The following TMEM62 variants were observed in gnomAD, a reference collection of about 807,000 sequenced individuals.
TMEM62 encodes the protein transmembrane protein 62.
A neutral mutation model predicts 70.4 loss-of-function variants in TMEM62; 41 were observed. The ratio of observed to expected loss-of-function variants is 0.58; its 90% confidence interval spans 0.45 to 0.76. The LOEUF (loss-of-function observed/expected upper bound fraction) is 0.76, where lower values mean the gene tolerates loss of function less well. Among genes scored for constraint, TMEM62 ranks in the 30% least tolerant of loss-of-function variants. The probability of loss-of-function intolerance (pLI) is 0.00; values close to 1 mark genes in which losing one functional copy is unlikely to be tolerated. For missense variants in TMEM62, 688 were observed against 788.5 expected, an observed-to-expected ratio of 0.87 and a Z score of 1.53; for synonymous variants, 268 against 291.0, an observed-to-expected ratio of 0.92 and a Z score of 0.80.
Position 43,151,857 on chromosome 15 carries a change from G to C in TMEM62, c.934G>C (p.Val312Leu), listed in dbSNP as rs749550923. 5 of 1,614,066 alleles carry C rather than the reference G, an allele frequency of 3.1e-6. No homozygotes were observed. In the Admixed American group the frequency reaches 8.3e-5, roughly 27 times the overall value. Residue 312 changes from valine (V) to leucine (L), a missense_variant, in exon 8 of 14, where the codon GTG (valine) becomes CTG (leucine). By Grantham distance (32) the Val-to-Leu change is conservative. Transcript: ENST00000260403. ...AGATTTGATCTTTGGGAAGTGGCCT[G>C]TGGTTCTTATCACCAATCCTAAATC... ...FADLIFGKWP[V>L]VLITNPKSLL...
chr15:43,138,768 T>TAGC, intron 4 of TMEM62, 149 bp downstream of exon 4: 1 of 638,846 alleles, frequency 1.6e-6, no homozygotes, highest in Non-Finnish European at 2.8e-6. Context: ...TGAACTGAGC[T>TAGC]CAAACGATCC....
chr15:43,133,821 C>G lies in TMEM62; in HGVS notation c.19C>G (p.Leu7Val). ...GGGCGGCATGGCTGCAGTGCTGGCTCTCAGGGTGGTCGCGGGGTTGGCGGC... is the reference window on the plus strand; with the variant it reads ...GGGCGGCATGGCTGCAGTGCTGGCTGTCAGGGTGGTCGCGGGGTTGGCGGC... The part of the protein sequence containing the change: MAAVLA[L>V]RVVAGLAAAA... The change falls in exon 1 of 14, where the codon CTC (leucine) becomes GTC (valine). Residue 7 changes from leucine (L) to valine (V), a missense_variant. By Grantham distance (32) the Leu-to-Val change is conservative (BLOSUM62 1). Coordinates refer to ENST00000260403, the MANE Select transcript of TMEM62 (RefSeq NM_024956.4). 2 of 1,447,172 alleles carry G rather than the reference C, an allele frequency of 1.4e-6. No individual in the cohort carries two copies. The highest frequency in any genetic ancestry group is 1.5e-5 in the African/African-American group (1 of 67,450). The allele number at this position is 1,447,172 out of a possible 1,614,324, so 89.6% of individuals were successfully genotyped here. A position where few individuals can be genotyped will look rare whatever the true frequency, so the allele number is the denominator to read the frequency against.
At chr15:43,164,337 C>T (rs528878533) in intron 10 of TMEM62, among the ~76,000 whole-genome samples, 63 of 152,186 alleles carry the variant, frequency 4.1e-4, no homozygotes, top group Admixed American at 2.4e-3. Flanking sequence ...TCTTCTTACT[C>T]AAGATGTGAG....
At chr15:43,141,647 A>G (rs1596210861) in intron 4 of TMEM62, among the ~76,000 whole-genome samples, 1 of 152,402 alleles carries the variant, frequency 6.6e-6, no homozygotes, top group South Asian at 2.1e-4. Context: ...AACACATTTC[A>G]TAAGACTATA....
At chr15:43,182,602 TG>T (rs2041457395) in intron 13 of TMEM62, among the ~76,000 whole-genome samples, 1 of 152,044 alleles carries the variant, frequency 6.6e-6, no homozygotes, top group Non-Finnish European at 1.5e-5. Context: ...TACAGGTGCC[TG>T]CCACCATGCC....
intron 4 of TMEM62, among the ~76,000 whole-genome samples, chr15:43,143,242 A>G (rs2036274512): frequency 6.6e-6 from 1 of 152,080 alleles, no homozygotes; most frequent in African/African-American, 2.4e-5. Context: ...TTGTATTTTT[A>G]GTAGAGACAG....
At position 43,185,048 on chromosome 15, in the gene TMEM62, C is replaced by T. The variant is rs1034398398; in HGVS notation, c.*462C>T. 9.9e-5 allele frequency: 24 copies of T among 243,644 alleles called. No individual in the cohort carries two copies. Among genetic ancestry groups the T allele is most frequent in the South Asian group, 7.7e-4 (14 of 18,286 alleles). The allele number at this position is 243,644 out of a possible 1,614,324, so 15.1% of individuals were successfully genotyped here. On this transcript the variant is annotated 3_prime_UTR_variant, in exon 14 of 14. Coordinates refer to ENST00000260403, the MANE Select transcript of TMEM62 (RefSeq NM_024956.4). ...CCTCACTACCCCTGAGATATTAGTT[C>T]CCAGGCCTGTTTTCCCACAGGATTG...
intron 12 of TMEM62, chr15:43,179,652 C>T (rs973668696): frequency 5.3e-5 from 8 of 152,166 alleles, no homozygotes; most frequent in African/African-American, 1.9e-4. Context: ...CACCATAAAT[C>T]TTTTAGGCTT....
rs2034839604 is a variant in TMEM62 at position 43,134,189 on chromosome 15, T to A, written c.181-68T>A. ...TTTTCCTTCTGCCCGAGAGAGCCGC[T>A]GAGCCGCCCCTCCCCATGCTGCCTC... On this transcript the variant is annotated intron_variant, in intron 1 of 13. Coordinates refer to ENST00000260403, the MANE Select transcript of TMEM62 (RefSeq NM_024956.4). 2.6e-6 allele frequency: 4 copies of A among 1,551,542 alleles called. No individual in the cohort carries two copies. In the South Asian group the frequency reaches 4.5e-5, roughly 17 times the overall value.
chr15:43,149,276 A>C (rs1453857155), intron 7 of TMEM62, 125 bp downstream of exon 7: 1 of 1,000,998 alleles, frequency 1.0e-6, no homozygotes, highest in African/African-American at 1.6e-5. Context: ...CTGTTTTTTT[A>C]AAGTAATATA....
intron 13 of TMEM62, among the ~76,000 whole-genome samples, chr15:43,183,525 A>C (rs1264409105): frequency 6.6e-6 from 1 of 152,122 alleles, no homozygotes; most frequent in African/African-American, 2.4e-5. Context: ...CCTAGAATGC[A>C]CTTCCCTCCG....
rs1567255329 is a variant in TMEM62 at position 43,184,611 on chromosome 15, T to TGG, written c.*27_*28dup. 6.3e-7 allele frequency: 1 copy of TGG among 1,597,004 alleles called. No individual in the cohort carries two copies. The highest frequency in any genetic ancestry group is 8.5e-7 in the Non-Finnish European group (1 of 1,174,180). ...AAGGCCATGTCTCACCACTGGCAGC[T>TGG]GGGCAGAAGCCCAGCCTCTGTGTCT... On this transcript the variant is annotated 3_prime_UTR_variant, in exon 14 of 14. Transcript: ENST00000260403.
chr15:43,175,270 C>G (rs2040602712), intron 11 of TMEM62, among the ~76,000 whole-genome samples: 1 of 152,188 alleles, frequency 6.6e-6, no homozygotes, highest in Non-Finnish European at 1.5e-5. Context: ...AAAGGTCATG[C>G]ATTATCAGGC....
chr15:43,185,015 G>A lies in TMEM62; in HGVS notation c.*429G>A, dbSNP rs1046167447. ...GGGGCAGGGAACCTTTGAGGATCTG[G>A]GCCCGACCCTCACTACCCCTGAGAT... On this transcript the variant is annotated 3_prime_UTR_variant, in exon 14 of 14. Transcript: ENST00000260403. 1 of 249,714 alleles carries A rather than the reference G, an allele frequency of 4.0e-6. No homozygotes were observed. 15.5% of individuals were successfully genotyped at this position (249,714 alleles called of 1,614,324 possible).
At chr15:43,172,452 A>G (rs1161768946) in intron 11 of TMEM62, among the ~76,000 whole-genome samples, 1 of 152,244 alleles carries the variant, frequency 6.6e-6, no homozygotes, top group Non-Finnish European at 1.5e-5. Flanking sequence ...AGCTAATTAT[A>G]TAAATATTTT....
At chr15:43,154,944 G>C (rs1342501525) in intron 9 of TMEM62, 113 bp downstream of exon 9, 1 of 997,588 alleles carries the variant, frequency 1.0e-6, no homozygotes, top group Non-Finnish European at 1.4e-6. Context: ...AAAAAAACTG[G>C]GGGCCGGGCA....
At chr15:43,137,527 C>T (rs976916282) in intron 3 of TMEM62, among the ~76,000 whole-genome samples, 1 of 152,260 alleles carries the variant, frequency 6.6e-6, no homozygotes, top group East Asian at 1.9e-4. Flanking sequence ...GCTACAGTCA[C>T]GCCATGCCTA....
At chr15:43,165,998 T>C (rs931466602) in intron 10 of TMEM62, among the ~76,000 whole-genome samples, 9 of 152,314 alleles carry the variant, frequency 5.9e-5, no homozygotes, top group African/African-American at 1.9e-4. Flanking sequence ...GTCTGGGCCT[T>C]GAAGAGTTAG....
chr15:43,141,784 A>T (rs1278062609), intron 4 of TMEM62, among the ~76,000 whole-genome samples: 1 of 152,204 alleles, frequency 6.6e-6, no homozygotes, highest in East Asian at 1.9e-4. Flanking sequence ...AAATAACAAC[A>T]TGAACAGGAG....
Sources: allele counts gnomAD v4.1 joint callset (sites outside exome capture counted in the v4.1 genomes callset), GRCh38; gene constraint gnomAD v4.1.1; transcripts MANE v1.5; gene names NCBI Gene and HGNC (gene_info 2026-07-23, HGNC 2026-07-21).